The following COMMD10 variants were observed in gnomAD, a reference collection of about 807,000 sequenced individuals.
COMMD10 encodes COMM domain containing 10, also known as COMM domain-containing protein 10.
Under a neutral mutation model 28.9 loss-of-function variants are expected in COMMD10, and 33 were observed. The observed-to-expected ratio is 1.14, with a 90% CI of 0.87 to 1.53. The LOEUF (loss-of-function observed/expected upper bound fraction) is 1.53. Ranked by LOEUF, COMMD10 falls within the 40% of genes most tolerant of loss-of-function variation. The pLI is 0.00. For missense variants in COMMD10, 310 were observed against 233.4 expected, an observed-to-expected ratio of 1.33 and a Z score of -2.14; for synonymous variants, 110 against 81.7, an observed-to-expected ratio of 1.35 and a Z score of -1.87.
intron 5 of COMMD10, among the ~76,000 whole-genome samples, chr5:116,241,990 A>G (rs1405243427): frequency 6.6e-6 from 1 of 152,130 alleles, no homozygotes; most frequent in Non-Finnish European, 1.5e-5. Context: ...AAAATCCTTA[A>G]TAGTTTCTGT....
At chr5:116,223,978 G>T (rs948463118) in intron 5 of COMMD10, among the ~76,000 whole-genome samples, 1 of 152,068 alleles carries the variant, frequency 6.6e-6, no homozygotes, top group Non-Finnish European at 1.5e-5. Flanking sequence ...CATGTGTTTG[G>T]AGCAGCATTA....
chr5:116,207,442 A>G (rs973807805), intron 5 of COMMD10, among the ~76,000 whole-genome samples: 12 of 152,182 alleles, frequency 7.9e-5, no homozygotes, highest in Middle Eastern at 3.2e-3. Flanking sequence ...TACAAAGATA[A>G]TATCGATGTT....
intron 5 of COMMD10, among the ~76,000 whole-genome samples, chr5:116,171,428 C>T (rs55975619): frequency 0.31 from 47,170 of 152,036 alleles, 10,230 homozygotes; most frequent in African/African-American, 0.62. Context: ...GGCGATTCCT[C>T]AGGGATCTAG....
Position 116,272,108 on chromosome 5 carries a change from G to C in COMMD10, c.511-19409G>C, listed in dbSNP as rs529324278. 3.3e-5 allele frequency among the ~76,000 whole-genome samples: 5 copies of C among 151,660 alleles called. 1 individual carries two copies. The highest frequency in any genetic ancestry group is 1.3e-4 in the Admixed American group (2 of 15,216). ...ATGCAAATTTTATTTCTCAACATAG[G>C]CTCCATTAAGGTCGAGACACTTTTC... On this transcript the variant is annotated intron_variant, in intron 5 of 6. Coordinates refer to ENST00000274458, the MANE Select transcript of COMMD10 (RefSeq NM_016144.4).
At chr5:116,254,651 T>C (rs2112677937) in intron 5 of COMMD10, among the ~76,000 whole-genome samples, 1 of 151,982 alleles carries the variant, frequency 6.6e-6, no homozygotes, top group Non-Finnish European at 1.5e-5. Context: ...GATTGCACTG[T>C]GGTCTGAGAG....
intron 5 of COMMD10, among the ~76,000 whole-genome samples, chr5:116,288,454 G>T (rs1363651003): frequency 6.6e-6 from 1 of 151,756 alleles, no homozygotes; most frequent in African/African-American, 2.4e-5. Flanking sequence ...GGAGTTCTTT[G>T]AATTTCTTGA....
intron 5 of COMMD10, among the ~76,000 whole-genome samples, chr5:116,206,089 T>C (rs187250237): frequency 6.6e-6 from 1 of 152,226 alleles, no homozygotes; most frequent in African/African-American, 2.4e-5. Flanking sequence ...TGCTGAAATA[T>C]CTTCAGATCA....
chr5:116,175,368 G>A (rs1017919693), intron 5 of COMMD10, among the ~76,000 whole-genome samples: 14 of 152,186 alleles, frequency 9.2e-5, no homozygotes, highest in African/African-American at 3.1e-4. Context: ...GTCACATAAT[G>A]GGTGTTTATT....
At chr5:116,284,457 G>A (rs1479909143) in intron 5 of COMMD10, among the ~76,000 whole-genome samples, 2 of 151,762 alleles carry the variant, frequency 1.3e-5, no homozygotes, top group Non-Finnish European at 2.9e-5. Flanking sequence ...CACAGCTGTC[G>A]TTTATGCCAT....
chr5:116,116,732 G>A (rs997576064), intron 4 of COMMD10, among the ~76,000 whole-genome samples: 9 of 117,160 alleles, frequency 7.7e-5, no homozygotes, highest in Non-Finnish European at 1.5e-4. Context: ...TTTTTTTTGA[G>A]ACGGAGTCTC....
At chr5:116,204,635 T>G (rs1050331848) in intron 5 of COMMD10, among the ~76,000 whole-genome samples, 1 of 152,138 alleles carries the variant, frequency 6.6e-6, no homozygotes, top group Non-Finnish European at 1.5e-5. Flanking sequence ...TATGTTAAAA[T>G]CAATAATAAG....
At chr5:116,199,588 G>A (rs998319294) in intron 5 of COMMD10, among the ~76,000 whole-genome samples, 1 of 151,364 alleles carries the variant, frequency 6.6e-6, no homozygotes, top group African/African-American at 2.4e-5. Flanking sequence ...ATGAAACAAA[G>A]TTATTTTACC....
rs562639819 is a variant in COMMD10 at position 116,263,271 on chromosome 5, A to T, written c.511-28246A>T. Among the ~76,000 whole-genome samples the T allele has an allele frequency of 4.4e-4, 67 of 151,882 alleles. 3 individuals are homozygous for T. The South Asian group carries it at 0.014, about 31-fold the overall frequency. On this transcript the variant is annotated intron_variant, in intron 5 of 6. Transcript: ENST00000274458. ...TCTTGCCCAAATTCCTACATAAGGG[A>T]TCTAGAGAGTCATGCCCTACAAACC...
intron 5 of COMMD10, among the ~76,000 whole-genome samples, chr5:116,158,705 G>T (rs1752820330): frequency 6.6e-6 from 1 of 151,912 alleles, no homozygotes; most frequent in Non-Finnish European, 1.5e-5. Context: ...TTAATCCTTA[G>T]TGTGAAAGTC....
chr5:116,244,060 A>G (rs1749879554), intron 5 of COMMD10, among the ~76,000 whole-genome samples: 2 of 152,278 alleles, frequency 1.3e-5, no homozygotes, highest in East Asian at 1.9e-4. Context: ...ATATCTATAT[A>G]TCATGTATTT....
chr5:116,112,965 T>C (rs951080270), intron 4 of COMMD10, among the ~76,000 whole-genome samples: 1 of 152,250 alleles, frequency 6.6e-6, no homozygotes, highest in Non-Finnish European at 1.5e-5. Context: ...GTCCTGTCTC[T>C]TCCAAGTTTA....
intron 5 of COMMD10, among the ~76,000 whole-genome samples, chr5:116,251,154 G>A (rs990143455): frequency 6.6e-6 from 1 of 151,882 alleles, no homozygotes; most frequent in African/African-American, 2.4e-5. Flanking sequence ...TTCTGAAGCT[G>A]TCATTTCAAA....
intron 1 of COMMD10, among the ~76,000 whole-genome samples, chr5:116,086,586 G>T (rs1328479003): frequency 6.6e-6 from 1 of 152,122 alleles, no homozygotes; most frequent in Non-Finnish European, 1.5e-5. Context: ...AGCCTCCTGA[G>T]TAGCTGGGAT....
intron 4 of COMMD10, among the ~76,000 whole-genome samples, chr5:116,116,864 T>G (rs563621772): frequency 1.3e-5 from 2 of 152,340 alleles, no homozygotes; most frequent in African/African-American, 2.4e-5. Flanking sequence ...GATTTTAATT[T>G]AATTGTTCAG....
Sources: gnomAD v4.1 joint callset for allele counts (sites outside exome capture counted in the v4.1 genomes callset) on GRCh38, gnomAD v4.1.1 for gene constraint, MANE v1.5 for transcripts, NCBI Gene and HGNC (gene_info 2026-07-23, HGNC 2026-07-21) for gene names.